PCDH15: variants seen among roughly 807,000 people sequenced by gnomAD.
PCDH15 encodes the protein protocadherin related 15.
Under a neutral mutation model 178.5 loss-of-function variants are expected in PCDH15, and 129 were observed. The observed-to-expected ratio is 0.72, with a 90% CI of 0.63 to 0.84. The LOEUF (loss-of-function observed/expected upper bound fraction) is 0.84, where lower values mean the gene tolerates loss of function less well. Among genes scored for constraint, PCDH15 ranks in the 40% least tolerant of loss-of-function variants. The probability of loss-of-function intolerance (pLI) is 0.00; values close to 1 mark genes in which losing one functional copy is unlikely to be tolerated. For missense variants in PCDH15, 2,230 were observed against 2,099.9 expected, an observed-to-expected ratio of 1.06 and a Z score of -1.21; for synonymous variants, 800 against 732.0, an observed-to-expected ratio of 1.09 and a Z score of -1.50.
chr10:54,213,587 G>A (rs2051679252), intron 10 of PCDH15, among the ~76,000 whole-genome samples: 1 of 152,082 alleles, frequency 6.6e-6, no homozygotes, highest in East Asian at 1.9e-4. Context: ...CATTTTAGAT[G>A]TCTTAATTGG....
chr10:55,047,674 G>A (rs1030296122), intron 2 of PCDH15, among the ~76,000 whole-genome samples: 2 of 151,742 alleles, frequency 1.3e-5, no homozygotes, highest in Admixed American at 6.6e-5. Flanking sequence ...TGGAGAATGA[G>A]TTGGGGAAGT....
chr10:55,320,466 T>C (rs1843861915), upstream of PCDH15, among the ~76,000 whole-genome samples: 1 of 152,186 alleles, frequency 6.6e-6, no homozygotes, highest in Non-Finnish European at 1.5e-5. Flanking sequence ...CCTGCCATGT[T>C]GCCCACTGCT....
At chr10:54,108,197 C>G (rs2094951504) in intron 15 of PCDH15, among the ~76,000 whole-genome samples, 1 of 152,106 alleles carries the variant, frequency 6.6e-6, no homozygotes, top group Non-Finnish European at 1.5e-5. Context: ...CAGTACCTGG[C>G]TGTAAATACA....
intron 1 of PCDH15, among the ~76,000 whole-genome samples, chr10:55,280,480 G>A (rs1842704507): frequency 6.9e-6 from 1 of 144,030 alleles, no homozygotes; most frequent in Non-Finnish European, 1.5e-5. Context: ...GTAGAGACAG[G>A]GTTTTACCAA....
intron 2 of PCDH15, among the ~76,000 whole-genome samples, chr10:55,007,048 C>G (rs959967426): frequency 1.3e-5 from 2 of 152,156 alleles, no homozygotes; most frequent in Non-Finnish European, 2.9e-5. Flanking sequence ...ATGTCTCTCT[C>G]TCTTGCTCTT....
chr10:53,849,860 C>CAAAAAAAA (rs58458871), intron 28 of PCDH15, among the ~76,000 whole-genome samples: 266 of 52,428 alleles, frequency 5.1e-3, no homozygotes, highest in East Asian at 0.013. Context: ...GGCTCCGTCT[C>CAAAAAAAA]AAAAAAAAAA....
At chr10:53,974,491 T>C (rs938382853) in intron 21 of PCDH15, among the ~76,000 whole-genome samples, 5 of 152,134 alleles carry the variant, frequency 3.3e-5, no homozygotes, top group African/African-American at 1.2e-4. Context: ...TTAAAAATTT[T>C]ATAAACTACT....
intron 5 of PCDH15, among the ~76,000 whole-genome samples, chr10:54,353,574 T>C (rs1027691825): frequency 1.3e-5 from 2 of 151,258 alleles, no homozygotes; most frequent in African/African-American, 4.9e-5. Context: ...TCAATCAAAA[T>C]TGCTTAGTTT....
chr10:54,229,178 G>T (rs1451836301), intron 9 of PCDH15, among the ~76,000 whole-genome samples: 4 of 152,158 alleles, frequency 2.6e-5, no homozygotes, highest in African/African-American at 9.7e-5. Flanking sequence ...AGCTTAATCA[G>T]TCATGTTATT....
rs114256278 is a variant in PCDH15 at position 54,929,584 on chromosome 10, G to A, written c.-79-32084C>T. ...CATACCTTCTGACCGTTGTGACAAC[G>A]GAAAATTGTGGCCCATTGGCCAAAT... On this transcript the variant is annotated intron_variant, in intron 2 of 5. Transcript: ENST00000458638. 6.1e-3 allele frequency among the ~76,000 whole-genome samples: 924 copies of A among 152,230 alleles called. 10 individuals carry two copies. The highest frequency in any genetic ancestry group is 0.02 in the African/African-American group (833 of 41,556).
At chr10:54,233,636 T>C (rs1454249564) in intron 9 of PCDH15, among the ~76,000 whole-genome samples, 1 of 152,238 alleles carries the variant, frequency 6.6e-6, no homozygotes. Context: ...AGATATCTTT[T>C]AGGTCTAGCT....
At position 55,432,838 on chromosome 10, in the gene PCDH15, A is replaced by G. The variant is rs188477006; in HGVS notation, c.-156+194787T>C. 2.5e-3 allele frequency among the ~76,000 whole-genome samples: 376 copies of G among 151,802 alleles called. 1 individual carries two copies. Among genetic ancestry groups the G allele is most frequent in the Admixed American group, 4.3e-3 (65 of 15,258 alleles). On this transcript the variant is annotated intron_variant, in intron 2 of 5. Coordinates refer to the PCDH15 transcript ENST00000613346. Reference sequence around the variant, plus strand: ...ATGGCGTTTAACCGTGTTAGCCAGGATGCTCTCGATCTCCTGACCTCGTGA... The same window carrying G: ...ATGGCGTTTAACCGTGTTAGCCAGGGTGCTCTCGATCTCCTGACCTCGTGA...
intron 8 of PCDH15, among the ~76,000 whole-genome samples, chr10:54,295,490 T>A (rs143501209): frequency 0.014 from 2,103 of 152,238 alleles, 51 homozygotes; most frequent in African/African-American, 0.048. Flanking sequence ...ACTCTTAGGG[T>A]CCACACCACC....
At chr10:54,313,735 T>C (rs761810238) in intron 8 of PCDH15, among the ~76,000 whole-genome samples, 12 of 152,184 alleles carry the variant, frequency 7.9e-5, no homozygotes, top group Non-Finnish European at 1.3e-4. Flanking sequence ...CAGAACATTC[T>C]ATACAACCTC....
chr10:55,030,618 T>C (rs1840586824), intron 2 of PCDH15, among the ~76,000 whole-genome samples: 1 of 152,208 alleles, frequency 6.6e-6, no homozygotes, highest in Non-Finnish European at 1.5e-5. Context: ...TTCTTAAATT[T>C]ATATTTTAAA....
At chr10:54,022,828 C>T (rs2092965624) in intron 19 of PCDH15, 64 bp downstream of exon 19, 1 of 1,565,886 alleles carries the variant, frequency 6.4e-7, no homozygotes. Context: ...AATTTTGGCA[C>T]ACAAACCCTA....
intron 1 of PCDH15, among the ~76,000 whole-genome samples, chr10:54,749,062 A>G (rs1945846111): frequency 6.6e-6 from 1 of 152,196 alleles, no homozygotes; most frequent in South Asian, 2.1e-4. Context: ...TACCTTGACT[A>G]AGATCACAGA....
At position 55,176,605 on chromosome 10, in the gene PCDH15, T is replaced by C. The variant is rs1244783992; in HGVS notation, c.-155-9954A>G. 2.6e-5 allele frequency among the ~76,000 whole-genome samples: 4 copies of C among 152,152 alleles called. No homozygotes were observed. The East Asian group carries it at 7.7e-4, about 29-fold the overall frequency. On this transcript the variant is annotated intron_variant, in intron 1 of 5. Coordinates refer to the PCDH15 transcript ENST00000458638. ...TCTTCAAACCCTGCAACAACCCTTG[T>C]AATGCCCTGATATTGAGGGTACAGA...
chr10:55,580,902 C>T (rs922142627), intron 2 of PCDH15, among the ~76,000 whole-genome samples: 1 of 152,114 alleles, frequency 6.6e-6, no homozygotes, highest in Admixed American at 6.6e-5. Flanking sequence ...CATGAACCAT[C>T]ACAGATGGAA....
Sources: gnomAD v4.1 joint callset for allele counts (sites outside exome capture counted in the v4.1 genomes callset) on GRCh38, gnomAD v4.1.1 for gene constraint, MANE v1.5 for transcripts, NCBI Gene and HGNC (gene_info 2026-07-23, HGNC 2026-07-21) for gene names.